Variants in KCND2 observed in about 807,000 individuals in gnomAD.
The protein encoded by KCND2 is potassium voltage-gated channel subfamily D member 2, also known as A-type voltage-gated potassium channel KCND2.
KCND2 carries 16 observed loss-of-function variants against 54.4 expected under a neutral mutation model. That is an observed-to-expected ratio of 0.29 (90% CI 0.20 to 0.45). The LOEUF (loss-of-function observed/expected upper bound fraction) is 0.45, where lower values mean the gene tolerates loss of function less well. Ranked by LOEUF, KCND2 falls within the 20% of genes least tolerant of loss-of-function variation. The pLI, the probability that KCND2 is intolerant of heterozygous loss-of-function variation, is 1.00. For missense variants in KCND2, 486 were observed against 824.2 expected (o/e 0.59, Z 5.02); for synonymous variants, 317 against 310.7 (o/e 1.02, Z -0.21).
intron 1 of KCND2, among the ~76,000 whole-genome samples, chr7:120,488,464 CT>C (rs766792176): frequency 6.6e-6 from 1 of 152,008 alleles, no homozygotes; most frequent in Non-Finnish European, 1.5e-5. Context: ...TACCTCCATT[CT>C]TTTTATTTAA....
At chr7:120,657,732 T>G (rs1791819852) in intron 1 of KCND2, among the ~76,000 whole-genome samples, 1 of 152,024 alleles carries the variant, frequency 6.6e-6, no homozygotes, top group Non-Finnish European at 1.5e-5. Context: ...CCTGTAATCC[T>G]AGATACTCCG....
intron 1 of KCND2, among the ~76,000 whole-genome samples, chr7:120,658,979 A>T (rs1791835842): frequency 6.6e-6 from 1 of 152,208 alleles, no homozygotes; most frequent in South Asian, 2.1e-4. Flanking sequence ...GAGATAAAGT[A>T]TATAAACAAA....
chr7:120,405,061 A>G (rs1467286290), intron 1 of KCND2, among the ~76,000 whole-genome samples: 1 of 152,136 alleles, frequency 6.6e-6, no homozygotes, highest in African/African-American at 2.4e-5. Context: ...ATGAAGAAAA[A>G]TTGTCAGATT....
In KCND2 at chr7:120,390,396, A is replaced by G. The variant is rs934002319; in HGVS notation, c.1115+114649A>G. Among the ~76,000 whole-genome samples, 6 of 152,008 alleles carry G rather than the reference A, an allele frequency of 3.9e-5. 1 individual carries two copies. The highest frequency in any genetic ancestry group is 7.4e-5 in the Non-Finnish European group (5 of 67,964). On this transcript the variant is annotated intron_variant, in intron 1 of 5. Coordinates refer to ENST00000331113, the MANE Select transcript of KCND2 (RefSeq NM_012281.3). The stretch of plus-strand genomic sequence containing the variant: ...ATTTACGGAGGATTTACCACATGCC[A>G]GTACTTATGGTCAGCACTTACATAT...
intron 1 of KCND2, among the ~76,000 whole-genome samples, chr7:120,451,705 A>G (rs1359586425): frequency 6.6e-6 from 1 of 152,166 alleles, no homozygotes; most frequent in Non-Finnish European, 1.5e-5. Context: ...GGCTTTCCTC[A>G]TCAATTGCCG....
intron 1 of KCND2, among the ~76,000 whole-genome samples, chr7:120,342,527 C>T (rs879319874): frequency 2.0e-5 from 3 of 152,072 alleles, no homozygotes; most frequent in Non-Finnish European, 4.4e-5. Context: ...TTTGGACTCT[C>T]AAAGATTTTC....
chr7:120,551,679 C>T (rs767209275), intron 1 of KCND2, among the ~76,000 whole-genome samples: 21 of 152,126 alleles, frequency 1.4e-4, no homozygotes, highest in African/African-American at 4.6e-4. Context: ...ATGAGAGGTT[C>T]GGATTTATAG....
At chr7:120,624,702 C>G (rs1242739861) in intron 1 of KCND2, among the ~76,000 whole-genome samples, 1 of 151,520 alleles carries the variant, frequency 6.6e-6, no homozygotes, top group Non-Finnish European at 1.5e-5. Flanking sequence ...GATCACTTGA[C>G]CCAAGGAGGA....
chr7:120,301,056 C>G (rs1386083236), intron 1 of KCND2, among the ~76,000 whole-genome samples: 2 of 152,046 alleles, frequency 1.3e-5, no homozygotes, highest in Non-Finnish European at 2.9e-5. Context: ...AAATAAGAAT[C>G]TGTAGAAATA....
chr7:120,273,818 ACGG>A lies in KCND2; in HGVS notation c.-804_-802del. The A allele has an allele frequency of 3.3e-5, 5 of 152,964 alleles. No homozygotes were observed. Among genetic ancestry groups the A allele is most frequent in the Non-Finnish European group, 7.3e-5 (5 of 68,222 alleles). 9.5% of individuals were successfully genotyped at this position (152,964 alleles called of 1,614,324 possible). On this transcript the variant is annotated 5_prime_UTR_variant, in exon 1 of 6. Coordinates refer to ENST00000331113, the MANE Select transcript of KCND2 (RefSeq NM_012281.3). ...CGCGGAAGCAGATGCTGCTGCCGCC[ACGG>A]CGGCGGCGGCTGCCAGCTCCTGAGC... is the stretch of plus-strand genomic sequence containing the variant.
At chr7:120,636,661 A>G (rs765425670) in intron 1 of KCND2, among the ~76,000 whole-genome samples, 5 of 152,222 alleles carry the variant, frequency 3.3e-5, no homozygotes, top group African/African-American at 9.6e-5. Flanking sequence ...CTTTGCCTAT[A>G]TAAGTGGATG....
chr7:120,468,670 C>T (rs907165887), intron 1 of KCND2, among the ~76,000 whole-genome samples: 1 of 151,980 alleles, frequency 6.6e-6, no homozygotes. Context: ...CTATATGCCA[C>T]GATTTTATTT....
At chr7:120,586,775 C>G (rs1792605757) in intron 1 of KCND2, among the ~76,000 whole-genome samples, 1 of 152,166 alleles carries the variant, frequency 6.6e-6, no homozygotes, top group East Asian at 1.9e-4. Flanking sequence ...AAATCTCTGC[C>G]AAAGGCACAT....
intron 1 of KCND2, among the ~76,000 whole-genome samples, chr7:120,361,040 A>G (rs1800585256): frequency 6.6e-6 from 1 of 152,080 alleles, no homozygotes; most frequent in Non-Finnish European, 1.5e-5. Flanking sequence ...ACACACACAT[A>G]TGATAAGACT....
intron 1 of KCND2, among the ~76,000 whole-genome samples, chr7:120,490,233 T>G (rs1288064192): frequency 1.5e-5 from 2 of 133,570 alleles, no homozygotes; most frequent in East Asian, 5.2e-4. Context: ...TCCTTGATAT[T>G]TAGCGTTCTT....
chr7:120,317,613 A>G (rs1799831891), intron 1 of KCND2, among the ~76,000 whole-genome samples: 1 of 152,186 alleles, frequency 6.6e-6, no homozygotes, highest in Admixed American at 6.5e-5. Flanking sequence ...AAATTTAAGG[A>G]TAGGTTTAGA....
At chr7:120,288,016 A>G (rs1799373000) in intron 1 of KCND2, among the ~76,000 whole-genome samples, 1 of 152,142 alleles carries the variant, frequency 6.6e-6, no homozygotes, top group African/African-American at 2.4e-5. Context: ...TTCAGAGATA[A>G]CAATCATTAG....
rs1390068721 is a variant in KCND2 at position 120,741,090 on chromosome 7, C to T, written c.1279-444C>T. On this transcript the variant is annotated intron_variant, in intron 2 of 5. Coordinates refer to ENST00000331113, the MANE Select transcript of KCND2 (RefSeq NM_012281.3). ...AAGGAAGGAAGGAAGGCAATCAGTT[C>T]TTGGTACTTAGTTACTAATTTTTTT... 4.6e-5 allele frequency among the ~76,000 whole-genome samples: 7 copies of T among 150,700 alleles called. No individual in the cohort carries two copies. The South Asian group carries it at 1.3e-3, about 27-fold the overall frequency.
chr7:120,336,523 T>C (rs2116357816), intron 1 of KCND2, among the ~76,000 whole-genome samples: 1 of 152,266 alleles, frequency 6.6e-6, no homozygotes, highest in African/African-American at 2.4e-5. Flanking sequence ...ACTTTATTAG[T>C]ATAGGGATGT....
Sources: allele counts gnomAD v4.1 joint callset (sites outside exome capture counted in the v4.1 genomes callset), GRCh38; gene constraint gnomAD v4.1.1; transcripts MANE v1.5; gene names NCBI Gene and HGNC (gene_info 2026-07-23, HGNC 2026-07-21).